Variants in DLG2 observed in about 807,000 individuals in gnomAD.
The protein encoded by DLG2 is disks large homolog 2.
Under a neutral mutation model 132.5 loss-of-function variants are expected in DLG2, and 45 were observed. That is an observed-to-expected ratio of 0.34 (90% confidence interval 0.27 to 0.44). The LOEUF is 0.44. DLG2 is among the 20% of genes least tolerant of loss of function. The pLI, the probability that DLG2 is intolerant of heterozygous loss-of-function variation, is 1.00. For missense variants in DLG2, 1,045 were observed against 1,196.9 expected (o/e 0.87, Z 1.87); for synonymous variants, 424 against 419.6 (o/e 1.01, Z -0.13).
At chr11:83,957,911 C>A (rs2087340413) in intron 14 of DLG2, among the ~76,000 whole-genome samples, 1 of 152,188 alleles carries the variant, frequency 6.6e-6, no homozygotes, top group Non-Finnish European at 1.5e-5. Context: ...GAGGCACTGC[C>A]TGGTTATCCT....
intron 6 of DLG2, among the ~76,000 whole-genome samples, chr11:84,889,051 A>G (rs2088849897): frequency 6.6e-6 from 1 of 152,184 alleles, no homozygotes; most frequent in South Asian, 2.1e-4. Flanking sequence ...TAAGGCCTCA[A>G]TAATCTCAAT....
chr11:83,700,065 C>A (rs1283239221), intron 18 of DLG2, among the ~76,000 whole-genome samples: 1 of 151,222 alleles, frequency 6.6e-6, no homozygotes. Context: ...AGGAGAGGAA[C>A]AAAAGTTTTC....
intron 6 of DLG2, among the ~76,000 whole-genome samples, chr11:85,005,505 C>A (rs1286794280): frequency 6.6e-6 from 1 of 152,074 alleles, no homozygotes; most frequent in Non-Finnish European, 1.5e-5. Context: ...AATGGGAGTT[C>A]ACTCATGATT....
At chr11:85,476,413 C>A (rs1419964981) in intron 3 of DLG2, among the ~76,000 whole-genome samples, 1 of 152,012 alleles carries the variant, frequency 6.6e-6, no homozygotes, top group East Asian at 1.9e-4. Flanking sequence ...TACACTTACG[C>A]TACATTAAAT....
chr11:85,492,323 C>CA (rs1184403481), intron 3 of DLG2, among the ~76,000 whole-genome samples: 2 of 152,082 alleles, frequency 1.3e-5, no homozygotes, highest in African/African-American at 4.8e-5. Context: ...ATTTCTCAAT[C>CA]AAAAAATTGT....
At chr11:84,261,667 A>C (rs1011619484) in intron 7 of DLG2, among the ~76,000 whole-genome samples, 1 of 152,186 alleles carries the variant, frequency 6.6e-6, no homozygotes, top group African/African-American at 2.4e-5. Flanking sequence ...AGAAATTGTA[A>C]TCATTTTGAA....
At chr11:84,642,384 A>T (rs985859592) in intron 6 of DLG2, among the ~76,000 whole-genome samples, 2 of 152,072 alleles carry the variant, frequency 1.3e-5, no homozygotes, top group African/African-American at 4.8e-5. Context: ...ATTTGTATGG[A>T]GTATAAATCA....
At chr11:84,792,439 T>C (rs1299980519) in intron 6 of DLG2, among the ~76,000 whole-genome samples, 2 of 152,170 alleles carry the variant, frequency 1.3e-5, no homozygotes, top group Non-Finnish European at 1.5e-5. Flanking sequence ...ACTGGCCGTA[T>C]AGAATGAAAT....
chr11:84,873,875 G>T (rs1409389225), intron 6 of DLG2, among the ~76,000 whole-genome samples: 1 of 152,194 alleles, frequency 6.6e-6, no homozygotes, highest in Non-Finnish European at 1.5e-5. Context: ...GAAACTGAAA[G>T]ATGACTAATG....
In DLG2 at chr11:84,400,952, T is replaced by G. The variant is rs117224066; in HGVS notation, c.519+133618A>C. 5.7e-4 allele frequency among the ~76,000 whole-genome samples: 86 copies of G among 151,582 alleles called. 2 individuals are homozygous for G. In the East Asian group the frequency reaches 0.013, roughly 23 times the overall value. ...ATCGTCATCATCACCATCACCAACTTCCTCCTCCTCCTCCTCCTCCCCCTT... is the reference window on the plus strand; with the variant it reads ...ATCGTCATCATCACCATCACCAACTGCCTCCTCCTCCTCCTCCTCCCCCTT... On this transcript the variant is annotated intron_variant, in intron 7 of 27. Coordinates refer to ENST00000376104, the MANE Select transcript of DLG2 (RefSeq NM_001142699.3).
intron 18 of DLG2, among the ~76,000 whole-genome samples, chr11:83,697,830 C>T (rs1159155856): frequency 6.6e-6 from 1 of 151,944 alleles, no homozygotes; most frequent in Non-Finnish European, 1.5e-5. Flanking sequence ...ACAGAGAGGC[C>T]CAGAATATTG....
chr11:83,463,849 T>A (rs1303177608), intron 26 of DLG2, among the ~76,000 whole-genome samples: 1 of 152,242 alleles, frequency 6.6e-6, no homozygotes, highest in Non-Finnish European at 1.5e-5. Flanking sequence ...AAGAATTCTG[T>A]CTTCTCTGAA....
chr11:85,477,601 G>T (rs1056898905), intron 3 of DLG2, among the ~76,000 whole-genome samples: 1 of 152,094 alleles, frequency 6.6e-6, no homozygotes. Context: ...TTAAATTGCT[G>T]TATGTTCTTT....
At chr11:85,499,737 G>A (rs879996471) in intron 3 of DLG2, among the ~76,000 whole-genome samples, 7 of 151,986 alleles carry the variant, frequency 4.6e-5, no homozygotes, top group African/African-American at 9.7e-5. Context: ...ACAAAAAACA[G>A]CCTATCCACC....
chr11:84,170,524 A>C (rs2095797202), intron 8 of DLG2, among the ~76,000 whole-genome samples: 1 of 152,198 alleles, frequency 6.6e-6, no homozygotes, highest in African/African-American at 2.4e-5. Context: ...GGTGACATAA[A>C]GGAGGCAATA....
At chr11:84,360,816 TAATA>T (rs2098645536) in intron 7 of DLG2, among the ~76,000 whole-genome samples, 1 of 151,736 alleles carries the variant, frequency 6.6e-6, no homozygotes. Context: ...ATGACAGAGA[TAATA>T]AAATAGGTAA....
At chr11:84,109,505 T>C (rs1332017086) in intron 9 of DLG2, among the ~76,000 whole-genome samples, 2 of 152,170 alleles carry the variant, frequency 1.3e-5, no homozygotes, top group African/African-American at 4.8e-5. Context: ...AAATATAATA[T>C]TTAAGCTGTT....
rs113407166 is a variant in DLG2 at position 84,985,923 on chromosome 11, C to T, written c.357+125738G>A. ...AGGAGAATCACTTGAATCCGGGACA[C>T]GAAGGCTGCAGTGTGCCACGATTGC... On this transcript the variant is annotated intron_variant, in intron 6 of 27. Coordinates refer to ENST00000376104, the MANE Select transcript of DLG2 (RefSeq NM_001142699.3). Among the ~76,000 whole-genome samples the T allele has an allele frequency of 7.1e-5, 9 of 126,816 alleles. No homozygotes were observed. In the South Asian group the frequency reaches 2.1e-3, roughly 30 times the overall value. The allele number at this position is 126,816 out of a possible 152,430, so 83.2% of individuals were successfully genotyped here. A position where few individuals can be genotyped will look rare whatever the true frequency, so the allele number is the denominator to read the frequency against.
At chr11:84,778,407 T>C (rs1418845761) in intron 6 of DLG2, among the ~76,000 whole-genome samples, 1 of 152,180 alleles carries the variant, frequency 6.6e-6, no homozygotes, top group African/African-American at 2.4e-5. Flanking sequence ...GTTTTGTTCT[T>C]CTTGCTTAAG....
Sources: allele counts gnomAD v4.1 joint callset (sites outside exome capture counted in the v4.1 genomes callset), GRCh38; gene constraint gnomAD v4.1.1; transcripts MANE v1.5; gene names NCBI Gene and HGNC (gene_info 2026-07-23, HGNC 2026-07-21).